SRGAP2: variants seen among roughly 807,000 people sequenced by gnomAD.
SRGAP2 encodes the protein SLIT-ROBO Rho GTPase activating protein 2.
Under a neutral mutation model 57.2 loss-of-function variants are expected in SRGAP2, and 15 were observed. That is an observed-to-expected ratio of 0.26 (90% CI 0.18 to 0.40). The LOEUF (loss-of-function observed/expected upper bound fraction) is 0.40, where lower values mean the gene tolerates loss of function less well. Among genes scored for constraint, SRGAP2 ranks in the 10% least tolerant of loss-of-function variants. The probability of loss-of-function intolerance (pLI) is 1.00; values close to 1 mark genes in which losing one functional copy is unlikely to be tolerated. For missense variants in SRGAP2, 520 were observed against 669.6 expected (o/e 0.78, Z 2.47); for synonymous variants, 249 against 248.0 (o/e 1.00, Z -0.04).
intron 11 of SRGAP2, among the ~76,000 whole-genome samples, chr1:206,416,256 T>A (rs900503720): frequency 1.3e-5 from 2 of 152,124 alleles, no homozygotes; most frequent in Non-Finnish European, 1.5e-5. Context: ...CTGCCACGAC[T>A]AGGGTAGAGA....
intron 11 of SRGAP2, among the ~76,000 whole-genome samples, chr1:206,419,086 A>G (rs767869640): frequency 3.3e-5 from 5 of 152,062 alleles, no homozygotes; most frequent in South Asian, 2.1e-4. Flanking sequence ...CTCCATCTCT[A>G]TGTTCCCATT....
intron 4 of SRGAP2, among the ~76,000 whole-genome samples, chr1:206,358,527 G>T (rs1389104985): frequency 2.0e-5 from 3 of 151,608 alleles, no homozygotes; most frequent in East Asian, 1.9e-4. Context: ...CATAAGCATT[G>T]CATCCCTTCC....
In SRGAP2 at chr1:206,246,970, A is replaced by G. The variant is rs544967796; in HGVS notation, c.67+40933A>G. ...GATGTTTATGGGTGAACCCTGTTTC[A>G]TTTTCCTCGGATCCACAATTAAAGA... On this transcript the variant is annotated intron_variant, in intron 2 of 22. Coordinates refer to ENST00000573034, the MANE Select transcript of SRGAP2 (RefSeq NM_015326.5). Among the ~76,000 whole-genome samples the G allele has an allele frequency of 3.1e-3, 415 of 135,784 alleles. 1 individual carries two copies. Among genetic ancestry groups the G allele is most frequent in the Middle Eastern group, 0.021 (6 of 286 alleles). 89.1% of individuals were successfully genotyped at this position (135,784 alleles called of 152,430 possible).
chr1:206,302,336 G>A (rs1221429104), intron 2 of SRGAP2, among the ~76,000 whole-genome samples: 2 of 152,018 alleles, frequency 1.3e-5, no homozygotes, highest in Admixed American at 6.5e-5. Flanking sequence ...AACAAATGCA[G>A]TGCTGCATTT....
chr1:206,342,017 C>T (rs1675233222), intron 3 of SRGAP2, among the ~76,000 whole-genome samples: 1 of 151,986 alleles, frequency 6.6e-6, no homozygotes, highest in Non-Finnish European at 1.5e-5. Flanking sequence ...AGGGAATGAG[C>T]GCCTTGGTTT....
intron 14 of SRGAP2, among the ~76,000 whole-genome samples, chr1:206,432,262 G>A (rs1464889625): frequency 4.6e-5 from 7 of 152,170 alleles, no homozygotes; most frequent in African/African-American, 7.2e-5. Flanking sequence ...GCCACAGTGC[G>A]TGAGTGCTTC....
chr1:206,385,008 G>C (rs1389732893), intron 5 of SRGAP2, among the ~76,000 whole-genome samples: 1 of 145,984 alleles, frequency 6.9e-6, no homozygotes, highest in Admixed American at 6.8e-5. Context: ...TTCTTCCTTT[G>C]TTTTTTTTTT....
At chr1:206,457,376 G>A (rs377182939) in intron 21 of SRGAP2, among the ~76,000 whole-genome samples, 2 of 152,304 alleles carry the variant, frequency 1.3e-5, no homozygotes, top group African/African-American at 4.8e-5. Context: ...CTATGGACAG[G>A]TAACTGACAG....
At chr1:206,448,601 A>G (rs1553374693) in intron 18 of SRGAP2, among the ~76,000 whole-genome samples, 2 of 152,102 alleles carry the variant, frequency 1.3e-5, no homozygotes, top group African/African-American at 4.8e-5. Flanking sequence ...CTCCACCCAG[A>G]CCCAGTGACA....
intron 18 of SRGAP2, among the ~76,000 whole-genome samples, chr1:206,448,319 G>C (rs1662947905): frequency 6.6e-6 from 1 of 152,166 alleles, no homozygotes; most frequent in African/African-American, 2.4e-5. Context: ...ACACTTTCCA[G>C]TCCTGAAACT....
chr1:206,440,194 A>G (rs1662149034), intron 17 of SRGAP2, 113 bp downstream of exon 17: 1 of 672,426 alleles, frequency 1.5e-6, no homozygotes, highest in Non-Finnish European at 2.7e-6. Context: ...TTGAGCACCT[A>G]CTGTGTGCTA....
At chr1:206,445,282 G>A (rs1464042906) in intron 17 of SRGAP2, among the ~76,000 whole-genome samples, 3 of 152,194 alleles carry the variant, frequency 2.0e-5, no homozygotes, top group Non-Finnish European at 4.4e-5. Flanking sequence ...GAAGGCCTTG[G>A]GTCCTTGGCC....
At chr1:206,298,596 A>G (rs1671712608) in intron 2 of SRGAP2, among the ~76,000 whole-genome samples, 1 of 152,058 alleles carries the variant, frequency 6.6e-6, no homozygotes, top group Admixed American at 6.5e-5. Flanking sequence ...AATCATCACT[A>G]TCTTAATTTC....
intron 10 of SRGAP2, among the ~76,000 whole-genome samples, chr1:206,411,876 A>T (rs1447454285): frequency 2.0e-5 from 3 of 152,178 alleles, no homozygotes; most frequent in African/African-American, 7.2e-5. Flanking sequence ...TAGGGAAGGG[A>T]TGCTTTTAGG....
intron 2 of SRGAP2, among the ~76,000 whole-genome samples, chr1:206,213,786 G>T (rs1240829303): frequency 1.3e-5 from 2 of 152,160 alleles, no homozygotes; most frequent in East Asian, 3.9e-4. Flanking sequence ...GGGCGTGGTG[G>T]TGGGTGCCTG....
chr1:206,444,321 A>T (rs1553373059), intron 17 of SRGAP2, among the ~76,000 whole-genome samples: 1 of 152,218 alleles, frequency 6.6e-6, no homozygotes, highest in Non-Finnish European at 1.5e-5. Flanking sequence ...GTCCACAAAG[A>T]TGTGTCCTCT....
rs546452762 is a variant in SRGAP2 at position 206,206,315 on chromosome 1, G to A, written c.67+278G>A. On this transcript the variant is annotated intron_variant, in intron 2 of 22. Coordinates refer to ENST00000573034, the MANE Select transcript of SRGAP2 (RefSeq NM_015326.5). Reference sequence around the variant, plus strand: ...CTTTCCCCCCCAAGCCGGACAGGGTGGGGGGAGGGGCAGGAGGCTCTTAGA... The same window carrying A: ...CTTTCCCCCCCAAGCCGGACAGGGTAGGGGGAGGGGCAGGAGGCTCTTAGA... The A allele has an allele frequency of 5.1e-5, 21 of 414,746 alleles. 1 individual carries two copies. The highest frequency in any genetic ancestry group is 8.4e-5 in the Non-Finnish European group (19 of 226,964). 25.7% of individuals were successfully genotyped at this position (414,746 alleles called of 1,614,324 possible).
chr1:206,218,180 G>A (rs1283143782), intron 2 of SRGAP2, among the ~76,000 whole-genome samples: 2 of 151,850 alleles, frequency 1.3e-5, no homozygotes, highest in Admixed American at 6.5e-5. Context: ...ATGGTGGCGG[G>A]TGCCTGTAAT....
chr1:206,369,469 A>G (rs1320852102), intron 4 of SRGAP2, among the ~76,000 whole-genome samples: 1 of 152,048 alleles, frequency 6.6e-6, no homozygotes, highest in Non-Finnish European at 1.5e-5. Flanking sequence ...AAAGACAGCT[A>G]TAGAATGAGA....
Sources: gnomAD v4.1 joint callset for allele counts (sites outside exome capture counted in the v4.1 genomes callset) on GRCh38, gnomAD v4.1.1 for gene constraint, MANE v1.5 for transcripts, NCBI Gene and HGNC (gene_info 2026-07-23, HGNC 2026-07-21) for gene names.